Variants in RANBP2 observed in about 807,000 individuals in gnomAD.
RANBP2 encodes RAN binding protein 2.
In RANBP2, 57 loss-of-function variants were observed where a neutral mutation model predicts 303.6. That is an observed-to-expected ratio of 0.19 (90% CI 0.15 to 0.23). RANBP2 has a LOEUF of 0.23. Ranked by LOEUF, RANBP2 falls within the 10% of genes least tolerant of loss-of-function variation. The probability of loss-of-function intolerance (pLI) is 1.00; values close to 1 mark genes in which losing one functional copy is unlikely to be tolerated. For missense variants in RANBP2, 3,138 were observed against 3,780.8 expected, an observed-to-expected ratio of 0.83 and a Z score of 4.46; for synonymous variants, 1,167 against 1,301.5, an observed-to-expected ratio of 0.90 and a Z score of 2.23.
At chr2:109,416,499 C>T in the RANBP2 span, among the ~76,000 whole-genome samples, 1 of 152,206 alleles carries the variant, frequency 6.6e-6, no homozygotes, top group Non-Finnish European at 1.5e-5. Context: ...ATTTTCCTGC[C>T]TCAGCCTCCC....
chr2:109,096,858 A>AC, the RANBP2 span, among the ~76,000 whole-genome samples: 2 of 151,476 alleles, frequency 1.3e-5, 1 homozygote, highest in South Asian at 4.2e-4. Context: ...CCAGATTGAT[A>AC]AACTTGCTCA....
the RANBP2 span, among the ~76,000 whole-genome samples, chr2:109,238,082 T>G: frequency 6.6e-6 from 1 of 152,186 alleles, no homozygotes; most frequent in South Asian, 2.1e-4. Flanking sequence ...GGCATCTGCC[T>G]GTAATCCCAG....
chr2:109,076,563 A>C, the RANBP2 span, among the ~76,000 whole-genome samples: 1 of 150,692 alleles, frequency 6.6e-6, no homozygotes, highest in Non-Finnish European at 1.5e-5. Context: ...TTTAAGATAC[A>C]AAATCAATAT....
At chr2:109,056,460 C>T in the RANBP2 span, among the ~76,000 whole-genome samples, 1 of 152,178 alleles carries the variant, frequency 6.6e-6, no homozygotes, top group Admixed American at 6.5e-5. Flanking sequence ...TGAACCACCA[C>T]ACCTGGCCAG....
At chr2:109,171,706 T>C in the RANBP2 span, among the ~76,000 whole-genome samples, 1 of 152,254 alleles carries the variant, frequency 6.6e-6, no homozygotes, top group Non-Finnish European at 1.5e-5. Context: ...GCTAATGCCT[T>C]CCAGAGGCCC....
chr2:109,403,983 G>C, the RANBP2 span, among the ~76,000 whole-genome samples: 2 of 152,158 alleles, frequency 1.3e-5, no homozygotes, highest in Non-Finnish European at 1.5e-5. Context: ...TCTTTCTGCT[G>C]CTCAGGGAAT....
At chr2:109,244,618 A>T in the RANBP2 span, among the ~76,000 whole-genome samples, 3 of 152,256 alleles carry the variant, frequency 2.0e-5, no homozygotes, top group Non-Finnish European at 4.4e-5. Flanking sequence ...AAACCCAAGA[A>T]TGCCAGTTAG....
the RANBP2 span, among the ~76,000 whole-genome samples, chr2:109,079,171 C>T: frequency 6.6e-6 from 1 of 152,140 alleles, no homozygotes; most frequent in Non-Finnish European, 1.5e-5. Flanking sequence ...TCCTCCTCCT[C>T]CCCCTCAACT....
chr2:109,378,918 G>T, the RANBP2 span, among the ~76,000 whole-genome samples: 14 of 152,146 alleles, frequency 9.2e-5, no homozygotes, highest in Middle Eastern at 3.2e-3. Context: ...GACTCCAGGG[G>T]ACTTTCTGCA....
intron 6 of RANBP2, among the ~76,000 whole-genome samples, chr2:108,739,928 C>T (rs1408900929): frequency 6.6e-6 from 1 of 151,486 alleles, no homozygotes; most frequent in African/African-American, 2.4e-5. Context: ...GTGGAGGTTG[C>T]AGTGAGCTTA....
At chr2:109,516,224 G>A in the RANBP2 span, among the ~76,000 whole-genome samples, 1 of 152,150 alleles carries the variant, frequency 6.6e-6, no homozygotes, top group Non-Finnish European at 1.5e-5. Flanking sequence ...CAGGTGATGT[G>A]TGGCCCATGC....
At chr2:109,033,895 G>A in the RANBP2 span, among the ~76,000 whole-genome samples, 23 of 150,128 alleles carry the variant, frequency 1.5e-4, no homozygotes, top group East Asian at 4.6e-3. Context: ...GGCAGAGGCT[G>A]CAGTGAGCCG....
chr2:109,457,015 C>T, the RANBP2 span, among the ~76,000 whole-genome samples: 2 of 152,138 alleles, frequency 1.3e-5, no homozygotes, highest in Admixed American at 6.5e-5. Context: ...GACCTGGGGT[C>T]GGCTGCCTAG....
chr2:109,613,263 T>G, the RANBP2 span: 1 of 1,028,620 alleles, frequency 9.7e-7, no homozygotes, highest in Middle Eastern at 2.5e-4. Flanking sequence ...AAACGCGTTC[T>G]TTTAGAGTAC....
the RANBP2 span, among the ~76,000 whole-genome samples, chr2:108,954,382 A>G: frequency 6.6e-6 from 1 of 152,220 alleles, no homozygotes; most frequent in Admixed American, 6.5e-5. Flanking sequence ...GGAATTTCAC[A>G]GACATTCTGC....
At chr2:109,194,772 C>T in the RANBP2 span, among the ~76,000 whole-genome samples, 1 of 152,074 alleles carries the variant, frequency 6.6e-6, no homozygotes, top group African/African-American at 2.4e-5. Flanking sequence ...CAAGCTCTGC[C>T]CAGAATGTGG....
At chr2:109,267,978 GT>G in the RANBP2 span, among the ~76,000 whole-genome samples, 1 of 152,004 alleles carries the variant, frequency 6.6e-6, no homozygotes, top group African/African-American at 2.4e-5. Flanking sequence ...CCCTGCTGCA[GT>G]TGTGCGGGTG....
the RANBP2 span, among the ~76,000 whole-genome samples, chr2:109,523,604 A>G: frequency 1.4e-4 from 21 of 151,870 alleles, no homozygotes; most frequent in South Asian, 4.4e-3. Flanking sequence ...CTTTAGAAGG[A>G]CCTGAGAGGT....
At chr2:109,445,630 TAAAG>T in the RANBP2 span, among the ~76,000 whole-genome samples, 10 of 152,024 alleles carry the variant, frequency 6.6e-5, no homozygotes, top group African/African-American at 2.4e-4. Flanking sequence ...GGAAAGCTAA[TAAAG>T]AGGCTAAATA....
Sources: gnomAD v4.1 joint callset for allele counts (sites outside exome capture counted in the v4.1 genomes callset) on GRCh38, gnomAD v4.1.1 for gene constraint, MANE v1.5 for transcripts, NCBI Gene and HGNC (gene_info 2026-07-23, HGNC 2026-07-21) for gene names.